Variants in DACH2 observed in about 807,000 individuals in gnomAD.
DACH2 encodes dachshund homolog 2.
A neutral mutation model predicts 35.8 loss-of-function variants in DACH2; 17 were observed. That is an observed-to-expected ratio of 0.48 (90% CI 0.33 to 0.71). The LOEUF (loss-of-function observed/expected upper bound fraction) is 0.71, where lower values mean the gene tolerates loss of function less well. Among genes scored for constraint, DACH2 ranks in the 30% least tolerant of loss-of-function variants. DACH2 has a pLI of 0.02. For missense variants in DACH2, 469 were observed against 472.7 expected (o/e 0.99, Z 0.07); for synonymous variants, 195 against 177.3 (o/e 1.10, Z -0.79).
At chrX:86,586,930 A>C (rs969450369) in intron 3 of DACH2, among the ~76,000 whole-genome samples, 4 of 111,667 alleles carry the variant, frequency 3.6e-5, no homozygotes, top group Non-Finnish European at 7.6e-5. Context: ...TAAATTTTAA[A>C]ATAGTTCTTT....
chrX:86,244,397 G>A (rs1278030599), intron 1 of DACH2, among the ~76,000 whole-genome samples: 1 of 112,154 alleles, frequency 8.9e-6, no homozygotes, highest in African/African-American at 3.2e-5. Flanking sequence ...TTATTAGATG[G>A]AGGTGTAAGC....
chrX:86,563,454 C>T (rs761360406), intron 3 of DACH2, among the ~76,000 whole-genome samples: 35 of 109,710 alleles, frequency 3.2e-4, no homozygotes, highest in South Asian at 7.6e-4. Flanking sequence ...GTGTATAGAT[C>T]CAATAATTGT....
At chrX:86,735,294 T>C (rs1026047608) in intron 6 of DACH2, among the ~76,000 whole-genome samples, 6 of 111,789 alleles carry the variant, frequency 5.4e-5, no homozygotes, top group Admixed American at 9.5e-5. Context: ...AAATGGCCTC[T>C]ATGAACATGG....
At chrX:86,295,056 T>C (rs2034415815) in intron 1 of DACH2, among the ~76,000 whole-genome samples, 1 of 112,721 alleles carries the variant, frequency 8.9e-6, no homozygotes, top group Admixed American at 9.3e-5. Flanking sequence ...TAGACTGCTG[T>C]GCTAGCAATC....
intron 1 of DACH2, among the ~76,000 whole-genome samples, chrX:86,232,654 G>T (rs1203710036): frequency 8.9e-6 from 1 of 112,005 alleles, no homozygotes; most frequent in East Asian, 2.8e-4. Flanking sequence ...TCTCACACCA[G>T]TCAGAATGGC....
At chrX:86,593,395 AT>A (rs1161534230) in intron 3 of DACH2, among the ~76,000 whole-genome samples, 40 of 83,109 alleles carry the variant, frequency 4.8e-4, no homozygotes, top group African/African-American at 2.3e-3. Flanking sequence ...TCATATATAT[AT>A]TTTTTTATTT....
intron 3 of DACH2, among the ~76,000 whole-genome samples, chrX:86,542,094 A>G (rs2038891848): frequency 9.0e-6 from 1 of 111,394 alleles, no homozygotes; most frequent in Admixed American, 9.6e-5. Flanking sequence ...ATATTCTGTC[A>G]CTTTCTCTTC....
chrX:86,693,625 T>C (rs1458964689), intron 4 of DACH2, among the ~76,000 whole-genome samples: 3 of 112,339 alleles, frequency 2.7e-5, no homozygotes, highest in African/African-American at 6.5e-5. Context: ...GGAATGCCAA[T>C]TGGGCCTGAA....
intron 1 of DACH2, among the ~76,000 whole-genome samples, chrX:86,180,764 G>T (rs2031461951): frequency 9.0e-6 from 1 of 111,707 alleles, no homozygotes; most frequent in Non-Finnish European, 1.9e-5. Flanking sequence ...TGTGTTTACA[G>T]GGAAAAATGC....
intron 3 of DACH2, among the ~76,000 whole-genome samples, chrX:86,598,172 G>T (rs915663247): frequency 9.9e-5 from 11 of 111,647 alleles, no homozygotes; most frequent in Non-Finnish European, 1.9e-4. Context: ...AGATTTGGGT[G>T]GGGACACAGC....
chrX:86,667,545 GAAGAAAGAAAGA>G (rs367810959), intron 4 of DACH2, among the ~76,000 whole-genome samples: 341 of 31,252 alleles, frequency 0.011, 6 homozygotes, highest in South Asian at 0.022. Flanking sequence ...AAGAAAGAAA[GAAGAAAGAAAGA>G]AAGAAAGAAA....
chrX:86,259,635 T>G (rs1237359839), intron 1 of DACH2, among the ~76,000 whole-genome samples: 1 of 111,623 alleles, frequency 9.0e-6, no homozygotes, highest in East Asian at 2.8e-4. Context: ...ATTCTAAGAG[T>G]AGGGGAGGAG....
chrX:86,437,924 A>T (rs2037094531), intron 2 of DACH2, among the ~76,000 whole-genome samples: 1 of 107,974 alleles, frequency 9.3e-6, no homozygotes, highest in Admixed American at 1.0e-4. Flanking sequence ...GTGGAGATTT[A>T]TTATATATGT....
At chrX:86,598,192 T>A (rs2039737757) in intron 3 of DACH2, among the ~76,000 whole-genome samples, 1 of 111,767 alleles carries the variant, frequency 8.9e-6, no homozygotes, top group Non-Finnish European at 1.9e-5. Context: ...CCAAACCATA[T>A]CATGTATGTT....
At chrX:86,512,627 T>C (rs755289693) in intron 2 of DACH2, among the ~76,000 whole-genome samples, 1 of 111,964 alleles carries the variant, frequency 8.9e-6, no homozygotes, top group South Asian at 3.7e-4. Context: ...CAGGTGTGTT[T>C]AAATAAAGTT....
At chrX:86,407,865 A>T (rs983695277) in intron 2 of DACH2, among the ~76,000 whole-genome samples, 10 of 112,390 alleles carry the variant, frequency 8.9e-5, no homozygotes, top group Non-Finnish European at 1.9e-4. Context: ...CTATTCTACA[A>T]AGCTTTCTGG....
At chrX:86,629,712 ATC>A (rs1480498557) in intron 3 of DACH2, among the ~76,000 whole-genome samples, 1 of 103,429 alleles carries the variant, frequency 9.7e-6, no homozygotes, top group Non-Finnish European at 2.0e-5. Flanking sequence ...GTGAAACCCT[ATC>A]TCTGCAGAAT....
At chrX:86,769,722 C>T (rs768719582) in intron 7 of DACH2, among the ~76,000 whole-genome samples, 2 of 111,218 alleles carry the variant, frequency 1.8e-5, no homozygotes, top group South Asian at 3.8e-4. Context: ...TTATATTCTT[C>T]GCAATGTCAG....
intron 7 of DACH2, among the ~76,000 whole-genome samples, chrX:86,762,565 G>C (rs2147285088): frequency 8.9e-6 from 1 of 111,767 alleles, no homozygotes; most frequent in South Asian, 3.8e-4. Context: ...TTGATAATGA[G>C]TAGAAAGATT....
Sources: allele counts gnomAD v4.1 joint callset (sites outside exome capture counted in the v4.1 genomes callset), GRCh38; gene constraint gnomAD v4.1.1; transcripts MANE v1.5; gene names NCBI Gene and HGNC (gene_info 2026-07-23, HGNC 2026-07-21).